The following HIRA variants were observed in gnomAD, a reference collection of about 807,000 sequenced individuals.
HIRA encodes protein HIRA.
A neutral mutation model predicts 126.6 loss-of-function variants in HIRA; 13 were observed. The ratio of observed to expected loss-of-function variants is 0.10; its 90% CI spans 0.07 to 0.16. The LOEUF is 0.16. HIRA is among the 10% of genes least tolerant of loss of function. The probability of loss-of-function intolerance (pLI) is 1.00; values close to 1 mark genes in which losing one functional copy is unlikely to be tolerated. For missense variants in HIRA, 834 were observed against 1,314.4 expected (o/e 0.63, Z 5.65); for synonymous variants, 511 against 520.0 (o/e 0.98, Z 0.24).
At chr22:19,404,464 G>C (rs1012586551) in intron 5 of HIRA, among the ~76,000 whole-genome samples, 2 of 152,132 alleles carry the variant, frequency 1.3e-5, no homozygotes, top group Admixed American at 1.3e-4. Context: ...ACACAAGTAA[G>C]GGCCAATTAC....
At chr22:19,336,798 C>A (rs947826293) in intron 24 of HIRA, among the ~76,000 whole-genome samples, 1 of 152,180 alleles carries the variant, frequency 6.6e-6, no homozygotes, top group African/African-American at 2.4e-5. Context: ...TAATAATCAC[C>A]GCAGTCTGGC....
Position 19,331,494 on chromosome 22 carries a change from G to A in HIRA, c.3000C>T (p.Phe1000=), listed in dbSNP as rs1387765566. 5 of 1,613,718 alleles carry A rather than the reference G, an allele frequency of 3.1e-6. No homozygotes were observed. The highest frequency in any genetic ancestry group is 4.2e-6 in the Non-Finnish European group (5 of 1,179,776). The change falls in exon 25 of 25, where the codon TTC becomes TTT. Residue 1000 remains phenylalanine (F), a synonymous_variant. Transcript: ENST00000263208. The part of the protein sequence containing the change: ...LLPVIGQNLR[F]QRLFTECQEQ... ...CCTGACACTCGGTGAAGAGGCGCTG[G>A]AATCGGAGGTTCTGCCCGATGACTG...
intron 18 of HIRA, among the ~76,000 whole-genome samples, chr22:19,358,451 G>A (rs1429391842): frequency 3.3e-5 from 5 of 152,182 alleles, no homozygotes; most frequent in African/African-American, 1.2e-4. Context: ...GCCCTCAGCT[G>A]GGCAAGCCAC....
chr22:19,337,205 C>T (rs969077910), intron 24 of HIRA, among the ~76,000 whole-genome samples: 5 of 151,356 alleles, frequency 3.3e-5, no homozygotes, highest in African/African-American at 1.2e-4. Flanking sequence ...TATTAAGCTA[C>T]TCAAGGAGAT....
intron 16 of HIRA, among the ~76,000 whole-genome samples, 158 bp downstream of exon 16, chr22:19,361,569 G>A (rs962853094): frequency 6.6e-6 from 1 of 152,248 alleles, no homozygotes; most frequent in African/African-American, 2.4e-5. Flanking sequence ...ATCTGAGGGA[G>A]AGCGTGGCCT....
At chr22:19,350,746 T>G (rs1556010610) in intron 24 of HIRA, among the ~76,000 whole-genome samples, 1 of 152,140 alleles carries the variant, frequency 6.6e-6, no homozygotes, top group Admixed American at 6.5e-5. Flanking sequence ...CTGCCTCATT[T>G]CACACCACCC....
chr22:19,411,817 G>T (rs2089355264), intron 1 of HIRA, among the ~76,000 whole-genome samples: 1 of 152,188 alleles, frequency 6.6e-6, no homozygotes, highest in South Asian at 2.1e-4. Flanking sequence ...AGCAAGTACT[G>T]GGATCAGGAG....
chr22:19,342,808 GC>G (rs1471932176), intron 24 of HIRA, among the ~76,000 whole-genome samples: 2 of 152,172 alleles, frequency 1.3e-5, no homozygotes, highest in African/African-American at 4.8e-5. Context: ...CACGTTTATA[GC>G]AGCACCATTT....
intron 17 of HIRA, among the ~76,000 whole-genome samples, chr22:19,360,570 T>C (rs2088853890): frequency 6.6e-6 from 1 of 152,076 alleles, no homozygotes; most frequent in Non-Finnish European, 1.5e-5. Flanking sequence ...CAGTGGGAAG[T>C]GACCCGCAAG....
At chr22:19,397,095 C>T in intron 6 of HIRA, 148 bp from the exon 7 acceptor site, 1 of 676,382 alleles carries the variant, frequency 1.5e-6, no homozygotes, top group East Asian at 2.7e-5. Context: ...AGGGCCTCCT[C>T]ATTTGATCTC....
chr22:19,351,264 G>C lies in HIRA; in HGVS notation c.2937+94C>G. 6.6e-7 allele frequency: 1 copy of C among 1,512,354 alleles called. No individual in the cohort carries two copies. The highest frequency in any genetic ancestry group is 8.8e-7 in the Non-Finnish European group (1 of 1,133,046). The allele number at this position is 1,512,354 out of a possible 1,614,324, so 93.7% of individuals were successfully genotyped here. ...GCTGGGTGCTGGAGAAGTCTAACGG[G>C]ACACAATTTCAAAGCACTTTGGCTT... On this transcript the variant is annotated intron_variant, in intron 24 of 24. Coordinates refer to ENST00000263208, the MANE Select transcript of HIRA (RefSeq NM_003325.4). The surrounding 1 kb of genome is among the most constrained non-coding windows in gnomAD (Gnocchi z 4.8).
At chr22:19,373,076 T>A (rs1378061671) in intron 15 of HIRA, among the ~76,000 whole-genome samples, 2 of 152,250 alleles carry the variant, frequency 1.3e-5, no homozygotes, top group Non-Finnish European at 2.9e-5. Context: ...TTAGGTGTCA[T>A]ATCTAAGAAA....
chr22:19,398,107 T>A lies in HIRA; in HGVS notation c.398-20A>T, dbSNP rs1204504999. 6.3e-7 allele frequency: 1 copy of A among 1,583,008 alleles called. No homozygotes were observed. The highest frequency in any genetic ancestry group is 8.7e-7 in the Non-Finnish European group (1 of 1,152,550). On this transcript the variant is annotated intron_variant, in intron 5 of 24. Coordinates refer to ENST00000263208, the MANE Select transcript of HIRA (RefSeq NM_003325.4). ...TCACATCTGAAAGAAGACAGAGGGTTCTGGTGAGATCTCTTACCTGGTGAT... is the reference window on the plus strand; with the variant it reads ...TCACATCTGAAAGAAGACAGAGGGTACTGGTGAGATCTCTTACCTGGTGAT...
chr22:19,371,950 A>T (rs1240145834), intron 15 of HIRA, among the ~76,000 whole-genome samples: 1 of 152,166 alleles, frequency 6.6e-6, no homozygotes, highest in Non-Finnish European at 1.5e-5. Context: ...TTGCATGGAT[A>T]TATGTTTTCA....
intron 1 of HIRA, among the ~76,000 whole-genome samples, chr22:19,414,930 C>T (rs1379917184): frequency 7.2e-6 from 1 of 139,052 alleles, no homozygotes; most frequent in African/African-American, 3.0e-5. Flanking sequence ...GTGCAAACAA[C>T]ACAAACTTAT....
intron 13 of HIRA, among the ~76,000 whole-genome samples, chr22:19,379,371 A>G (rs1422959417): frequency 6.6e-6 from 1 of 151,044 alleles, no homozygotes; most frequent in East Asian, 2.0e-4. Flanking sequence ...TCATGCCTGT[A>G]ATCCCAGCAC....
chr22:19,413,336 A>G (rs1270077573), intron 1 of HIRA, among the ~76,000 whole-genome samples: 9 of 152,180 alleles, frequency 5.9e-5, no homozygotes, highest in Admixed American at 5.9e-4. Context: ...ATTAAACATC[A>G]TGGGCTGAAT....
intron 1 of HIRA, among the ~76,000 whole-genome samples, chr22:19,421,214 G>A (rs1256677284): frequency 1.3e-5 from 2 of 151,474 alleles, no homozygotes; most frequent in East Asian, 1.9e-4. Flanking sequence ...CAGGAGAATC[G>A]CTTGAACCCT....
chr22:19,384,639 A>G lies in HIRA; in HGVS notation c.1329+882T>C, dbSNP rs1365837864. 5.9e-5 allele frequency among the ~76,000 whole-genome samples: 9 copies of G among 151,900 alleles called. No homozygotes were observed. The East Asian group carries it at 1.2e-3, about 20-fold the overall frequency. ...CCCGTGAACCACACATCTGTCACTA[A>G]GCTAGGGATTTTCTTTCTTTCTTTT... On this transcript the variant is annotated intron_variant, in intron 12 of 24. Coordinates refer to ENST00000263208, the MANE Select transcript of HIRA (RefSeq NM_003325.4).
Sources: gnomAD v4.1 joint callset for allele counts (sites outside exome capture counted in the v4.1 genomes callset) on GRCh38, gnomAD v4.1.1 for gene constraint, Gnocchi (gnomAD v3.1) non-coding constraint, MANE v1.5 for transcripts, NCBI Gene and HGNC (gene_info 2026-07-23, HGNC 2026-07-21) for gene names.